GPR39: variants seen among roughly 807,000 people sequenced by gnomAD.
GPR39 encodes G protein-coupled receptor 39, also known as zinc sensing receptor.
Under a neutral mutation model 18.4 loss-of-function variants are expected in GPR39, and 23 were observed. The ratio of observed to expected loss-of-function variants is 1.25; its 90% CI spans 0.90 to 1.77. The LOEUF (loss-of-function observed/expected upper bound fraction) is 1.77. Ranked by LOEUF, GPR39 falls within the 40% of genes most tolerant of loss-of-function variation. The pLI, the probability that GPR39 is intolerant of heterozygous loss-of-function variation, is 0.00. For synonymous variants in GPR39, 280 were observed against 257.9 expected (o/e 1.09, Z -0.82); for missense variants, 647 against 602.4 (o/e 1.07, Z -0.78).
intron 1 of GPR39, among the ~76,000 whole-genome samples, chr2:132,580,070 A>G (rs1207747172): frequency 1.3e-5 from 2 of 152,242 alleles, no homozygotes; most frequent in East Asian, 3.8e-4. Context: ...TGTTGGCAAA[A>G]TGATTACAAG....
At chr2:132,587,936 T>A (rs1680761040) in intron 1 of GPR39, among the ~76,000 whole-genome samples, 1 of 152,142 alleles carries the variant, frequency 6.6e-6, no homozygotes, top group African/African-American at 2.4e-5. Flanking sequence ...CATGAGGAGT[T>A]GACTGGAATA....
chr2:132,480,738 G>A (rs1221737730), intron 1 of GPR39, among the ~76,000 whole-genome samples: 3 of 152,166 alleles, frequency 2.0e-5, no homozygotes, highest in African/African-American at 7.2e-5. Flanking sequence ...TTTGGTTTTG[G>A]ATTAATTCTG....
At chr2:132,544,412 C>T (rs1164168934) in intron 1 of GPR39, among the ~76,000 whole-genome samples, 1 of 152,194 alleles carries the variant, frequency 6.6e-6, no homozygotes, top group East Asian at 1.9e-4. Context: ...GATCAATCAG[C>T]CCAGGCCAGC....
At chr2:132,619,709 C>T (rs927120018) in intron 1 of GPR39, among the ~76,000 whole-genome samples, 8 of 152,270 alleles carry the variant, frequency 5.3e-5, no homozygotes, top group African/African-American at 1.9e-4. Flanking sequence ...TTTCCTTGCA[C>T]TGGCCTGGGT....
At chr2:132,597,153 C>T (rs149750906) in intron 1 of GPR39, among the ~76,000 whole-genome samples, 73 of 152,250 alleles carry the variant, frequency 4.8e-4, no homozygotes, top group Admixed American at 1.3e-3. Context: ...ACAGTAAAGG[C>T]ACAGCCAAGG....
chr2:132,416,954 G>A lies in GPR39; in HGVS notation c.-89G>A. ...GATAAAATCGTGCGCCCACGCAGGT[G>A]AGTTTGCAGCCAAGAATTTTGGACG... On this transcript the variant is annotated 5_prime_UTR_variant, in exon 1 of 2. Coordinates refer to ENST00000329321, the MANE Select transcript of GPR39 (RefSeq NM_001508.3). 1 of 1,485,708 alleles carries A rather than the reference G, an allele frequency of 6.7e-7. No homozygotes were observed. The highest frequency in any genetic ancestry group is 2.3e-5 in the East Asian group (1 of 44,040). The allele number at this position is 1,485,708 out of a possible 1,614,324, so 92.0% of individuals were successfully genotyped here.
At chr2:132,424,111 G>T (rs1184777802) in intron 1 of GPR39, among the ~76,000 whole-genome samples, 9 of 152,160 alleles carry the variant, frequency 5.9e-5, no homozygotes, top group Non-Finnish European at 2.9e-5. Context: ...AACACTATGT[G>T]CTAATCAGAC....
At chr2:132,638,472 G>A (rs967716844) in intron 1 of GPR39, among the ~76,000 whole-genome samples, 2 of 152,184 alleles carry the variant, frequency 1.3e-5, no homozygotes, top group Non-Finnish European at 1.5e-5. Context: ...CAGGAGATCT[G>A]GGTTGGAGCC....
intron 1 of GPR39, among the ~76,000 whole-genome samples, chr2:132,615,499 T>C (rs917864207): frequency 6.6e-6 from 1 of 152,110 alleles, no homozygotes; most frequent in Non-Finnish European, 1.5e-5. Flanking sequence ...GACTGTGCTT[T>C]ATTGGAGAGC....
chr2:132,445,133 G>C (rs1680511213), intron 1 of GPR39, among the ~76,000 whole-genome samples: 1 of 147,176 alleles, frequency 6.8e-6, no homozygotes, highest in South Asian at 2.1e-4. Flanking sequence ...TAACACACCT[G>C]TTTTTATTGT....
chr2:132,582,008 A>G (rs1256287127), intron 1 of GPR39, among the ~76,000 whole-genome samples: 1 of 152,050 alleles, frequency 6.6e-6, no homozygotes, highest in Non-Finnish European at 1.5e-5. Context: ...CAAAGTGCTG[A>G]TTGGCAGTCC....
intron 1 of GPR39, among the ~76,000 whole-genome samples, chr2:132,594,514 A>G (rs1045178195): frequency 1.3e-5 from 2 of 152,038 alleles, no homozygotes; most frequent in Admixed American, 1.3e-4. Context: ...AAATTGACAC[A>G]TAGTAAATGT....
intron 1 of GPR39, among the ~76,000 whole-genome samples, chr2:132,489,643 A>G (rs1009626413): frequency 6.6e-6 from 1 of 151,950 alleles, no homozygotes; most frequent in Non-Finnish European, 1.5e-5. Flanking sequence ...AGGGGGCAAG[A>G]CACATTTGTA....
At chr2:132,583,959 C>T (rs191587842) in intron 1 of GPR39, among the ~76,000 whole-genome samples, 73 of 151,968 alleles carry the variant, frequency 4.8e-4, no homozygotes, top group African/African-American at 1.6e-3. Context: ...GTAGCTTCTG[C>T]TGCTTTCTAA....
intron 1 of GPR39, among the ~76,000 whole-genome samples, chr2:132,460,778 C>G (rs149196051): frequency 6.6e-6 from 1 of 151,704 alleles, no homozygotes; most frequent in East Asian, 1.9e-4. Flanking sequence ...ATTTTTATTT[C>G]ATTCAGTATC....
At chr2:132,633,974 A>T (rs1558865797) in intron 1 of GPR39, among the ~76,000 whole-genome samples, 2 of 139,364 alleles carry the variant, frequency 1.4e-5, no homozygotes, top group African/African-American at 6.4e-5. Context: ...GAAACAGTGG[A>T]GTTGGTGTAG....
At chr2:132,452,423 A>G (rs1486152514) in intron 1 of GPR39, among the ~76,000 whole-genome samples, 1 of 151,628 alleles carries the variant, frequency 6.6e-6, no homozygotes, top group Non-Finnish European at 1.5e-5. Flanking sequence ...TCTTATTTCC[A>G]TTTCATTCTG....
intron 1 of GPR39, among the ~76,000 whole-genome samples, chr2:132,538,447 T>C (rs964498202): frequency 2.0e-5 from 3 of 152,216 alleles, no homozygotes; most frequent in African/African-American, 7.2e-5. Context: ...GTCACTGGCT[T>C]GATGCCAGCC....
intron 1 of GPR39, among the ~76,000 whole-genome samples, chr2:132,585,981 A>G (rs1261360814): frequency 8.5e-5 from 4 of 46,806 alleles, no homozygotes; most frequent in Non-Finnish European, 1.6e-4. Context: ...TTAATGCCCC[A>G]CTCAGAGTGA....
Sources: gnomAD v4.1 joint callset for allele counts (sites outside exome capture counted in the v4.1 genomes callset) on GRCh38, gnomAD v4.1.1 for gene constraint, MANE v1.5 for transcripts, NCBI Gene and HGNC (gene_info 2026-07-23, HGNC 2026-07-21) for gene names.